Variants in PCDHA8 observed in about 807,000 individuals in gnomAD.
PCDHA8 encodes protocadherin alpha-8.
PCDHA8 carries 53 observed loss-of-function variants against 61.8 expected under a neutral mutation model. The observed-to-expected ratio is 0.86, with a 90% CI of 0.69 to 1.08. The LOEUF (loss-of-function observed/expected upper bound fraction) is 1.08, where lower values mean the gene tolerates loss of function less well. Ranked by LOEUF, PCDHA8 falls within the 50% of genes least tolerant of loss-of-function variation. The pLI, the probability that PCDHA8 is intolerant of heterozygous loss-of-function variation, is 0.00. For synonymous variants in PCDHA8, 618 were observed against 556.6 expected (o/e 1.11, Z -1.55); for missense variants, 1,293 against 1,245.0 (o/e 1.04, Z -0.58).
intron 1 of PCDHA8, among the ~76,000 whole-genome samples, chr5:140,909,916 C>T (rs1554194012): frequency 6.6e-6 from 1 of 152,138 alleles, no homozygotes; most frequent in African/African-American, 2.4e-5. Context: ...CAATCATTTC[C>T]CTTTCCCCAA....
In PCDHA8 at chr5:140,936,000, C is replaced by T. The variant is rs370629183; in HGVS notation, c.2395-42949C>T. Among the ~76,000 whole-genome samples, 13 of 150,536 alleles carry T rather than the reference C, an allele frequency of 8.6e-5. No homozygotes were observed. In the East Asian group the frequency reaches 1.6e-3, roughly 18 times the overall value. ...CTCTGCCTCCCGGGTTCAAGCGATT[C>T]TCCCACCTCAGCCTCCCGAGTAGCG... On this transcript the variant is annotated intron_variant, in intron 1 of 3. Coordinates refer to ENST00000531613, the MANE Select transcript of PCDHA8 (RefSeq NM_018911.3).
intron 1 of PCDHA8, among the ~76,000 whole-genome samples, chr5:140,894,258 G>T (rs2153446538): frequency 6.6e-6 from 1 of 151,918 alleles, no homozygotes; most frequent in South Asian, 2.1e-4. Flanking sequence ...TTCTTTACAA[G>T]TGGTAGCTTA....
chr5:140,958,890 A>G (rs1379321415), intron 1 of PCDHA8, among the ~76,000 whole-genome samples: 1 of 152,044 alleles, frequency 6.6e-6, no homozygotes, highest in African/African-American at 2.4e-5. Context: ...CAGTAGCTAT[A>G]TAATAGATAC....
At chr5:140,966,527 G>C (rs1328867902) in intron 1 of PCDHA8, 2 of 444,184 alleles carry the variant, frequency 4.5e-6, no homozygotes, top group Non-Finnish European at 7.8e-6. Context: ...AAGCCGAGCC[G>C]GGTTGAGCGA....
At chr5:140,987,560 G>A (rs2097259227) in intron 3 of PCDHA8, among the ~76,000 whole-genome samples, 36 of 152,130 alleles carry the variant, frequency 2.4e-4, no homozygotes, top group Admixed American at 2.4e-3. Flanking sequence ...CTGATTCTCA[G>A]TTTCTTTCTC....
chr5:140,871,327 C>G (rs782093100), intron 1 of PCDHA8: 12 of 1,614,102 alleles, frequency 7.4e-6, no homozygotes, highest in Admixed American at 1.7e-5. Context: ...GGTGTGCTCC[C>G]GCGCGGTGGG....
intron 1 of PCDHA8, chr5:140,851,823 G>C (rs1554145549): frequency 1.0e-6 from 1 of 962,982 alleles, no homozygotes; most frequent in Non-Finnish European, 1.3e-6. Flanking sequence ...ACAGAAATCT[G>C]TTTTTTTAAA....
intron 3 of PCDHA8, among the ~76,000 whole-genome samples, chr5:140,997,328 G>A (rs76646758): frequency 0.013 from 1,948 of 152,070 alleles, 47 homozygotes; most frequent in African/African-American, 0.045. Flanking sequence ...CAGTTTTTTC[G>A]TTGTACAAAT....
At chr5:140,933,501 G>A (rs1320553451) in intron 1 of PCDHA8, among the ~76,000 whole-genome samples, 2 of 151,978 alleles carry the variant, frequency 1.3e-5, no homozygotes, top group Non-Finnish European at 2.9e-5. Flanking sequence ...GAATTGTTAA[G>A]CAAAGACTAC....
intron 1 of PCDHA8, chr5:140,929,324 T>C (rs781810168): frequency 1.2e-5 from 19 of 1,540,130 alleles, no homozygotes; most frequent in Non-Finnish European, 3.5e-6. Context: ...GTCAATGCCA[T>C]GGTAAGCAAA....
chr5:140,853,347 T>A, intron 1 of PCDHA8: 1 of 983,892 alleles, frequency 1.0e-6, no homozygotes. Context: ...TTAGCAAACA[T>A]GAACTCACAG....
chr5:141,001,749 T>C (rs1554258292), intron 3 of PCDHA8, among the ~76,000 whole-genome samples: 1 of 152,090 alleles, frequency 6.6e-6, no homozygotes, highest in African/African-American at 2.4e-5. Flanking sequence ...GCTGTTTCAG[T>C]GGTTGATGGC....
At chr5:140,928,994 T>G (rs781964406) in intron 1 of PCDHA8, 2 of 1,613,992 alleles carry the variant, frequency 1.2e-6, no homozygotes, top group Admixed American at 3.3e-5. Flanking sequence ...TGCTTACTTT[T>G]CTTCGTGTGT....
intron 1 of PCDHA8, chr5:140,848,303 C>T: frequency 2.9e-6 from 2 of 685,962 alleles, no homozygotes; most frequent in Non-Finnish European, 5.0e-6. Context: ...CACGTGATGT[C>T]ACTCTTTGCC....
rs2150340886 is a variant in PCDHA8, at chr5:140,842,622, C to T, written c.1301C>T (p.Ser434Leu). ...ACCGCGCGGGACGGGGGCTCGCCTT[C>T]GCTGTGGGCCACCGCCAGCTTGTCT... ...VVTARDGGSP[S>L]LWATASLSVE... Residue 434 changes from serine (S) to leucine (L), a missense_variant, in exon 1 of 4, where the codon TCG (serine) becomes TTG (leucine). Physicochemically the swap from Ser to Leu is moderately radical, Grantham distance 145 (BLOSUM62 -2). Transcript: ENST00000531613. The T allele has an allele frequency of 1.3e-6, 2 of 1,579,180 alleles. No homozygotes were observed. The highest frequency in any genetic ancestry group is 2.2e-5 in the East Asian group (1 of 44,686).
intron 2 of PCDHA8, among the ~76,000 whole-genome samples, chr5:140,980,525 G>C (rs1554241939): frequency 6.6e-6 from 1 of 152,166 alleles, no homozygotes; most frequent in African/African-American, 2.4e-5. Context: ...AGCTACTAGG[G>C]AGGCTGAGGC....
At chr5:140,940,705 C>T (rs2092669255) in intron 1 of PCDHA8, among the ~76,000 whole-genome samples, 1 of 152,170 alleles carries the variant, frequency 6.6e-6, no homozygotes, top group Non-Finnish European at 1.5e-5. Context: ...AAGTGTATAC[C>T]TGCTGTGTGC....
At chr5:140,848,167 C>G (rs1554142004) in intron 1 of PCDHA8, 1 of 254,352 alleles carries the variant, frequency 3.9e-6, no homozygotes, top group African/African-American at 2.2e-5. Flanking sequence ...TAAGAAGGCT[C>G]CAGCAAGAGA....
At chr5:140,968,886 A>G in intron 1 of PCDHA8, 1 of 1,614,186 alleles carries the variant, frequency 6.2e-7, no homozygotes, top group Non-Finnish European at 8.5e-7. Context: ...ATTACCCTTT[A>G]TCTAATAATA....
Sources: gnomAD v4.1 joint callset for allele counts (sites outside exome capture counted in the v4.1 genomes callset) on GRCh38, gnomAD v4.1.1 for gene constraint, MANE v1.5 for transcripts, NCBI Gene and HGNC (gene_info 2026-07-23, HGNC 2026-07-21) for gene names.